Variants in ECE1 observed in about 807,000 individuals in gnomAD.
ECE1 encodes endothelin-converting enzyme 1.
ECE1 carries 35 observed loss-of-function variants against 98.6 expected under a neutral mutation model. The ratio of observed to expected loss-of-function variants is 0.35; its 90% confidence interval spans 0.27 to 0.47. ECE1 has a LOEUF of 0.47. Among genes scored for constraint, ECE1 ranks in the 20% least tolerant of loss-of-function variants. The pLI, the probability that ECE1 is intolerant of heterozygous loss-of-function variation, is 1.00. For missense variants in ECE1, 814 were observed against 1,025.3 expected (o/e 0.79, Z 2.81); for synonymous variants, 394 against 407.1 (o/e 0.97, Z 0.39).
chr1:21,253,555 G>A (rs1010777309), intron 8 of ECE1, among the ~76,000 whole-genome samples: 2 of 150,932 alleles, frequency 1.3e-5, no homozygotes, highest in African/African-American at 4.9e-5. Flanking sequence ...GAAGACAGGA[G>A]ATCGAGACCA....
In ECE1 at chr1:21,345,500, C is replaced by CGCTCAGCTCCAGCGGGCGA. The variant is rs1553374655; in HGVS notation, c.-123_-122insTCGCCCGCTGGAGCTGAGC. The CGCTCAGCTCCAGCGGGCGA allele has an allele frequency of 1.3e-5, 13 of 976,392 alleles. No individual in the cohort carries two copies. The highest frequency in any genetic ancestry group is 1.3e-6 in the Non-Finnish European group (1 of 765,632). The allele number at this position is 976,392 out of a possible 1,614,324, so 60.5% of individuals were successfully genotyped here. ...GCTCGGCTGCCTGGCCCAGGCGGCGCGCTCAGCTCCAGCGGGCGAGCTCGC... is the reference window on the plus strand; with the variant it reads ...GCTCGGCTGCCTGGCCCAGGCGGCGCGCTCAGCTCCAGCGGGCGAGCTCAGCTCCAGCGGGCGAGCTCGC... On this transcript the variant is annotated 5_prime_UTR_variant, in exon 1 of 19. Transcript: ENST00000415912. The surrounding 1 kb of genome is among the most constrained non-coding windows in gnomAD (Gnocchi z 5.1).
intron 14 of ECE1, among the ~76,000 whole-genome samples, chr1:21,229,271 A>T (rs2098178786): frequency 1.3e-5 from 2 of 150,148 alleles, no homozygotes; most frequent in African/African-American, 4.9e-5. Flanking sequence ...ACAGCCTCAA[A>T]CTCCTGGGCT....
rs1573929743 is a variant in ECE1, at chr1:21,225,581, G to A, written c.1850-141C>T. On this transcript the variant is annotated intron_variant, in intron 16 of 18. Coordinates refer to ENST00000374893, the MANE Select transcript of ECE1 (RefSeq NM_001397.3). This position sits in a 1 kb window ranked among gnomAD's most constrained non-coding sequence, Gnocchi z 5.3. Reference sequence around the variant, plus strand: ...CCATGGGGAGACGAGGTCCCTGTGAGTGCCGAGGGACGTGGATGTGGTGGC... The same window carrying A: ...CCATGGGGAGACGAGGTCCCTGTGAATGCCGAGGGACGTGGATGTGGTGGC... 2 of 933,398 alleles carry A rather than the reference G, an allele frequency of 2.1e-6. No individual in the cohort carries two copies. Among genetic ancestry groups the A allele is most frequent in the East Asian group, 2.6e-5 (1 of 37,816 alleles). The allele number at this position is 933,398 out of a possible 1,614,324, so 57.8% of individuals were successfully genotyped here. A position where few individuals can be genotyped will look rare whatever the true frequency, so the allele number is the denominator to read the frequency against.
intron 15 of ECE1, among the ~76,000 whole-genome samples, chr1:21,227,500 G>A (rs180676137): frequency 7.2e-5 from 11 of 152,318 alleles, no homozygotes; most frequent in East Asian, 5.8e-4. Flanking sequence ...CAGTCATTGC[G>A]AAAGCGTTAG....
At chr1:21,336,922 T>C (rs1196582398) in intron 1 of ECE1, among the ~76,000 whole-genome samples, 1 of 151,684 alleles carries the variant, frequency 6.6e-6, no homozygotes, top group Non-Finnish European at 1.5e-5. Flanking sequence ...TCCCAGCTAC[T>C]TGGGAGGCTG....
At position 21,311,849 on chromosome 1, in the gene ECE1, T is replaced by C. The variant is rs564002896; in HGVS notation, c.4-21693A>G. ...TTTTAAATTTAAAAAATTGGCCGGA[T>C]ACAGTGGCTCACACCTGTAATCCCA... On this transcript the variant is annotated intron_variant, in intron 1 of 18. Coordinates refer to the ECE1 transcript ENST00000415912. 1.9e-3 allele frequency among the ~76,000 whole-genome samples: 289 copies of C among 151,170 alleles called. 1 individual carries two copies. The highest frequency in any genetic ancestry group is 6.7e-3 in the African/African-American group (276 of 41,148).
At chr1:21,252,448 C>T (rs1039097379) in intron 8 of ECE1, among the ~76,000 whole-genome samples, 2 of 152,318 alleles carry the variant, frequency 1.3e-5, no homozygotes, top group Non-Finnish European at 2.9e-5. Flanking sequence ...GGTCACAAAC[C>T]AACCAATTCA....
At chr1:21,330,229 T>A (rs1428549756) in intron 1 of ECE1, among the ~76,000 whole-genome samples, 1 of 115,052 alleles carries the variant, frequency 8.7e-6, no homozygotes, top group Non-Finnish European at 1.8e-5. Context: ...CCAAATACTT[T>A]TTTTTTTTTT....
At chr1:21,303,750 G>A (rs1308338980) in intron 1 of ECE1, among the ~76,000 whole-genome samples, 2 of 152,094 alleles carry the variant, frequency 1.3e-5, no homozygotes, top group African/African-American at 4.8e-5. Context: ...CTAGGCTCAA[G>A]CAATGCTCCT....
intron 4 of ECE1, among the ~76,000 whole-genome samples, chr1:21,271,759 GA>G (rs2098240486): frequency 6.6e-6 from 1 of 152,064 alleles, no homozygotes; most frequent in Non-Finnish European, 1.5e-5. Flanking sequence ...CTAATCTGAG[GA>G]AAAACCATCA....
chr1:21,322,883 A>G lies in ECE1; in HGVS notation c.3+22493T>C, dbSNP rs997446487. 6.6e-6 allele frequency among the ~76,000 whole-genome samples: 1 copy of G among 151,968 alleles called. No individual in the cohort carries two copies. The highest frequency in any genetic ancestry group is 1.5e-5 in the Non-Finnish European group (1 of 67,986). On this transcript the variant is annotated intron_variant, in intron 1 of 18. Transcript: ENST00000415912. This position sits in a 1 kb window ranked among gnomAD's most constrained non-coding sequence, Gnocchi z 4.1. The stretch of plus-strand genomic sequence containing the variant: ...CTGGAATTTGTGCATGTTTGGTGAA[A>G]ACCCCTCACTGGGGCTTTGGAGGGA...
In ECE1 at chr1:21,322,184, G is replaced by A. The variant is rs1353297371; in HGVS notation, c.3+23192C>T. ...CCCTTTTACAGATGAAGAAACAGGG[G>A]CTCAGAAAGAAGTGGCAAGGCGGCT... On this transcript the variant is annotated intron_variant, in intron 1 of 18. Transcript: ENST00000415912. This position sits in a 1 kb window ranked among gnomAD's most constrained non-coding sequence, Gnocchi z 4.1. Among the ~76,000 whole-genome samples, 6 of 152,186 alleles carry A rather than the reference G, an allele frequency of 3.9e-5. No homozygotes were observed. Among genetic ancestry groups the A allele is most frequent in the Admixed American group, 2.0e-4 (3 of 15,286 alleles).
intron 1 of ECE1, among the ~76,000 whole-genome samples, chr1:21,343,006 A>C (rs1639431852): frequency 1.3e-5 from 2 of 151,996 alleles, no homozygotes; most frequent in South Asian, 4.2e-4. Context: ...GACCAGCCCC[A>C]TTCTGGCCTT....
intron 14 of ECE1, among the ~76,000 whole-genome samples, chr1:21,230,291 T>C (rs1269836403): frequency 6.6e-6 from 1 of 152,216 alleles, no homozygotes; most frequent in Admixed American, 6.5e-5. Flanking sequence ...TTTGGTGTAG[T>C]ATCAGAAGAA....
chr1:21,291,945 C>T (rs532921481), upstream of ECE1, among the ~76,000 whole-genome samples: 6 of 150,556 alleles, frequency 4.0e-5, no homozygotes, highest in East Asian at 1.9e-4. Context: ...CTGGGCAACA[C>T]GGACCCCATC....
intron 2 of ECE1, among the ~76,000 whole-genome samples, chr1:21,287,424 G>A (rs986171544): frequency 6.6e-6 from 1 of 152,138 alleles, no homozygotes; most frequent in African/African-American, 2.4e-5. Context: ...TACTCCGGAG[G>A]CTGAGGCAGG....
At chr1:21,301,289 T>G (rs931840940) in intron 1 of ECE1, among the ~76,000 whole-genome samples, 2 of 150,440 alleles carry the variant, frequency 1.3e-5, no homozygotes, top group African/African-American at 4.9e-5. Flanking sequence ...GGTCAGGAGA[T>G]AGAGACCATC....
chr1:21,269,245 C>T (rs2098237530), intron 4 of ECE1, among the ~76,000 whole-genome samples: 1 of 152,236 alleles, frequency 6.6e-6, no homozygotes, highest in Non-Finnish European at 1.5e-5. Flanking sequence ...CTAGGAAATA[C>T]ATTTCCTTCA....
At chr1:21,263,497 C>T (rs1442091927) in intron 4 of ECE1, among the ~76,000 whole-genome samples, 1 of 152,094 alleles carries the variant, frequency 6.6e-6, no homozygotes, top group Non-Finnish European at 1.5e-5. Context: ...GCTGGGACTA[C>T]AGGCGTGTAC....
Sources: allele counts gnomAD v4.1 joint callset (sites outside exome capture counted in the v4.1 genomes callset), GRCh38; gene constraint gnomAD v4.1.1; non-coding constraint Gnocchi (gnomAD v3.1); transcripts MANE v1.5; gene names NCBI Gene and HGNC (gene_info 2026-07-23, HGNC 2026-07-21).